RYR2: variants seen among roughly 807,000 people sequenced by gnomAD.
The protein encoded by RYR2 is ryanodine receptor 2, also known as cardiac muscle ryanodine receptor-calcium release channel.
RYR2 carries 227 observed loss-of-function variants against 601.1 expected under a neutral mutation model. The observed-to-expected ratio is 0.38, with a 90% CI of 0.34 to 0.42. The LOEUF is 0.42. Among genes scored for constraint, RYR2 ranks in the 10% least tolerant of loss-of-function variants. The pLI, the probability that RYR2 is intolerant of heterozygous loss-of-function variation, is 1.00. For missense variants in RYR2, 4,646 were observed against 6,156.5 expected, an observed-to-expected ratio of 0.75 and a Z score of 8.21; for synonymous variants, 2,223 against 2,175.1, an observed-to-expected ratio of 1.02 and a Z score of -0.61.
intron 2 of RYR2, among the ~76,000 whole-genome samples, chr1:237,317,027 C>T (rs1269576245): frequency 6.6e-6 from 1 of 152,180 alleles, no homozygotes; most frequent in Admixed American, 6.5e-5. Context: ...TGGAAAGAAC[C>T]CTACCTCCCC....
chr1:237,556,825 A>T (rs1233821560), intron 27 of RYR2, among the ~76,000 whole-genome samples: 1 of 143,684 alleles, frequency 7.0e-6, no homozygotes, highest in African/African-American at 2.6e-5. Flanking sequence ...ATCTTTAAAG[A>T]GGAGGTATAT....
intron 2 of RYR2, among the ~76,000 whole-genome samples, chr1:237,322,850 T>TGGG: frequency 7.0e-6 from 1 of 141,992 alleles, no homozygotes; most frequent in East Asian, 2.1e-4. Flanking sequence ...GTGTGTGTGG[T>TGGG]GTTAATTTTT....
chr1:237,795,164 T>C, intron 95 of RYR2, 125 bp from the exon 96 acceptor site: 1 of 495,644 alleles, frequency 2.0e-6, no homozygotes, highest in Non-Finnish European at 3.6e-6. Flanking sequence ...CCAAATTCAT[T>C]GTAAGTTTAC....
At chr1:237,540,299 A>G (rs565083700) in intron 25 of RYR2, among the ~76,000 whole-genome samples, 1 of 152,194 alleles carries the variant, frequency 6.6e-6, no homozygotes, top group Non-Finnish European at 1.5e-5. Context: ...GTAGATTTAA[A>G]TGAAAATAAA....
rs1572449411 is a variant in RYR2 at position 237,049,811 on chromosome 1, T to A, written c.48+7242T>A. On this transcript the variant is annotated intron_variant, in intron 1 of 104. Transcript: ENST00000366574. ...GTAGCCCTCTTAGGGACTACTTAGG[T>A]TCGGATCCATTTAGTAACTGAACTC... 4.6e-5 allele frequency among the ~76,000 whole-genome samples: 7 copies of A among 152,228 alleles called. 2 individuals carry two copies. Among genetic ancestry groups the A allele is most frequent in the Admixed American group, 4.6e-4 (7 of 15,290 alleles).
chr1:237,765,042 T>A (rs1298985301), intron 84 of RYR2, among the ~76,000 whole-genome samples: 1 of 150,104 alleles, frequency 6.7e-6, no homozygotes, highest in Non-Finnish European at 1.5e-5. Context: ...GCCTCCCAGT[T>A]TTTTTTTTTT....
intron 5 of RYR2, 106 bp downstream of exon 5, chr1:237,364,478 A>G (rs1181199103): frequency 1.4e-5 from 7 of 499,118 alleles, no homozygotes; most frequent in Non-Finnish European, 2.1e-5. Context: ...TATTATATAT[A>G]TGACAGATAT....
At chr1:237,697,374 T>C (rs1411285117) in intron 63 of RYR2, among the ~76,000 whole-genome samples, 1 of 142,566 alleles carries the variant, frequency 7.0e-6, no homozygotes, top group African/African-American at 2.6e-5. Flanking sequence ...TTATATAATA[T>C]ATAATTGCAT....
At chr1:237,747,198 A>G (rs1011601460) in intron 80 of RYR2, among the ~76,000 whole-genome samples, 1 of 152,234 alleles carries the variant, frequency 6.6e-6, no homozygotes, top group Non-Finnish European at 1.5e-5. Flanking sequence ...TCTTCCAGCC[A>G]TCTTTCTCAA....
intron 1 of RYR2, among the ~76,000 whole-genome samples, chr1:237,256,919 C>T (rs1027850791): frequency 2.6e-5 from 4 of 152,160 alleles, no homozygotes; most frequent in Admixed American, 2.6e-4. Context: ...CATGATATAG[C>T]CAACCTTCTC....
chr1:237,146,367 G>T (rs866580297), intron 1 of RYR2, among the ~76,000 whole-genome samples: 1 of 152,204 alleles, frequency 6.6e-6, no homozygotes, highest in Non-Finnish European at 1.5e-5. Context: ...CGAATTTAGC[G>T]TATGGTTTGT....
At chr1:237,583,141 C>G (rs536091386) in intron 29 of RYR2, among the ~76,000 whole-genome samples, 5 of 152,106 alleles carry the variant, frequency 3.3e-5, no homozygotes, top group African/African-American at 1.2e-4. Flanking sequence ...GAGATGGTAG[C>G]TCTTTGTGGT....
chr1:237,248,939 A>T (rs181092710), intron 1 of RYR2, among the ~76,000 whole-genome samples: 1 of 152,008 alleles, frequency 6.6e-6, no homozygotes, highest in Non-Finnish European at 1.5e-5. Context: ...TGTTTTTTGT[A>T]GTTTTAGTAG....
intron 1 of RYR2, among the ~76,000 whole-genome samples, chr1:237,074,033 G>A (rs1375316236): frequency 6.6e-6 from 1 of 151,538 alleles, no homozygotes; most frequent in African/African-American, 2.4e-5. Context: ...TTTTTGTGTG[G>A]GAGCCCTAAA....
rs531306995 is a variant in RYR2, at chr1:237,554,431, G to A, written c.3214+3740G>A. ...TAGGACTTTTGTAGCTAAGTTTATG[G>A]GCAATACACTGGTATATATTTTTTT... is the stretch of plus-strand genomic sequence containing the variant. On this transcript the variant is annotated intron_variant, in intron 27 of 104. Transcript: ENST00000366574. Among the ~76,000 whole-genome samples the A allele has an allele frequency of 4.0e-5, 6 of 151,820 alleles. No individual in the cohort carries two copies. In the East Asian group the frequency reaches 1.2e-3, roughly 29 times the overall value.
chr1:237,709,426 TA>T (rs1251470963), intron 69 of RYR2, 53 bp from the exon 70 acceptor site: 57 of 1,018,044 alleles, frequency 5.6e-5, no homozygotes, highest in Middle Eastern at 2.1e-4. Flanking sequence ...TTTTTTTTTT[TA>T]AATTAACTTT....
chr1:237,210,435 C>G (rs1313213782), intron 1 of RYR2, among the ~76,000 whole-genome samples: 1 of 152,034 alleles, frequency 6.6e-6, no homozygotes, highest in East Asian at 1.9e-4. Context: ...ATCTGGAGGT[C>G]AAATTAATAT....
In RYR2 at chr1:237,550,658, G is replaced by A. The variant is rs747447414; in HGVS notation, c.3181G>A (p.Gly1061Ser). ...REAVRTLLGY[G>S]YNLEAPDQDH... ...GGCTGTGCGCACGCTGCTGGGGTAC[G>A]GCTACAACTTGGAAGCACCAGATCA... Residue 1061 changes from glycine to serine, a missense_variant, in exon 27 of 105, where the codon GGC (glycine) becomes AGC (serine). This residue lies in a region of RYR2 where 1,807 missense variants were observed against 2,088.1 expected (regional missense o/e 0.87). Coordinates refer to ENST00000366574, the MANE Select transcript of RYR2 (RefSeq NM_001035.3). The A allele has an allele frequency of 8.3e-6, 13 of 1,565,508 alleles. No individual in the cohort carries two copies. The highest frequency in any genetic ancestry group is 1.4e-5 in the African/African-American group (1 of 73,748).
intron 61 of RYR2, among the ~76,000 whole-genome samples, chr1:237,680,125 G>A (rs755522407): frequency 6.6e-6 from 1 of 152,178 alleles, no homozygotes. Context: ...ACATAGTAGA[G>A]ACTCAACATA....
Sources: gnomAD v4.1 joint callset for allele counts (sites outside exome capture counted in the v4.1 genomes callset) on GRCh38, gnomAD v4.1.1 for gene constraint, gnomAD v4.1.1 regional missense constraint, MANE v1.5 for transcripts, NCBI Gene and HGNC (gene_info 2026-07-23, HGNC 2026-07-21) for gene names.